MYCBP2: variants seen among roughly 807,000 people sequenced by gnomAD.
MYCBP2 encodes E3 ubiquitin-protein ligase MYCBP2.
A neutral mutation model predicts 525.3 loss-of-function variants in MYCBP2; 120 were observed. The ratio of observed to expected loss-of-function variants is 0.23; its 90% CI spans 0.20 to 0.27. The LOEUF is 0.27. Among genes scored for constraint, MYCBP2 ranks in the 10% least tolerant of loss-of-function variants. The pLI is 1.00. For missense variants in MYCBP2, 4,149 were observed against 5,657.1 expected (o/e 0.73, Z 8.55); for synonymous variants, 1,894 against 1,955.8 (o/e 0.97, Z 0.83).
intron 73 of MYCBP2, among the ~76,000 whole-genome samples, chr13:77,064,301 T>C (rs2039845344): frequency 6.6e-6 from 1 of 152,200 alleles, no homozygotes; most frequent in Admixed American, 6.5e-5. Context: ...AAACTTACTG[T>C]GGTAAACTAC....
rs1566970744 is a variant in MYCBP2 at position 77,224,303 on chromosome 13, T to C, written c.2939+148A>G. The C allele has an allele frequency of 1.3e-5, 8 of 609,366 alleles. No individual in the cohort carries two copies. The Admixed American group carries it at 2.7e-4, about 20-fold the overall frequency. The allele number at this position is 609,366 out of a possible 1,614,324, so 37.7% of individuals were successfully genotyped here. ...CCATAAGATCAGAAACCACCAATAA[T>C]TCATGGGCCACACTTTGCAAAGCAG... On this transcript the variant is annotated intron_variant, in intron 20 of 82. Coordinates refer to ENST00000544440, the MANE Select transcript of MYCBP2 (RefSeq NM_015057.5).
intron 55 of MYCBP2, among the ~76,000 whole-genome samples, chr13:77,113,788 G>A (rs1832350972): frequency 6.6e-6 from 1 of 152,122 alleles, no homozygotes; most frequent in Non-Finnish European, 1.5e-5. Flanking sequence ...ATAAATTCAA[G>A]CCCATGCCTA....
chr13:77,089,646 TG>T (rs373348275), intron 60 of MYCBP2, among the ~76,000 whole-genome samples: 2,607 of 142,682 alleles, frequency 0.018, 51 homozygotes, highest in African/African-American at 0.047. Context: ...ATCATGTAAC[TG>T]TTTTTTTTTT....
chr13:77,052,857 G>A (rs2037115822), intron 80 of MYCBP2, among the ~76,000 whole-genome samples: 1 of 152,168 alleles, frequency 6.6e-6, no homozygotes, highest in Non-Finnish European at 1.5e-5. Context: ...GGCTGGGCAT[G>A]GTGGCTCACA....
chr13:77,289,162 G>T (rs2077207178), intron 2 of MYCBP2, among the ~76,000 whole-genome samples: 1 of 151,600 alleles, frequency 6.6e-6, no homozygotes, highest in Admixed American at 6.6e-5. Flanking sequence ...AAAAACACTT[G>T]GTCCCAAATA....
chr13:77,078,736 G>T, intron 66 of MYCBP2, 88 bp downstream of exon 66: 2 of 1,027,238 alleles, frequency 1.9e-6, no homozygotes, highest in South Asian at 1.3e-5. Context: ...CTTTGGTTGT[G>T]TGCCAAGGGT....
intron 80 of MYCBP2, among the ~76,000 whole-genome samples, chr13:77,055,335 A>AAT (rs1407419265): frequency 1.3e-5 from 2 of 152,154 alleles, no homozygotes; most frequent in African/African-American, 2.4e-5. Context: ...TGTATACAGA[A>AAT]ATACTGCATG....
At chr13:77,195,688 T>G (rs888634609) in intron 26 of MYCBP2, among the ~76,000 whole-genome samples, 1 of 152,222 alleles carries the variant, frequency 6.6e-6, no homozygotes, top group Non-Finnish European at 1.5e-5. Flanking sequence ...TTCAACCATA[T>G]TCCCTATTGC....
At chr13:77,055,011 G>A (rs146714359) in intron 80 of MYCBP2, among the ~76,000 whole-genome samples, 185 of 152,178 alleles carry the variant, frequency 1.2e-3, no homozygotes, top group African/African-American at 4.2e-3. Context: ...ATTTTGGGGG[G>A]TCATAAACAT....
At chr13:77,150,198 T>TGA (rs2056255372) in intron 47 of MYCBP2, among the ~76,000 whole-genome samples, 1 of 152,180 alleles carries the variant, frequency 6.6e-6, no homozygotes, top group Non-Finnish European at 1.5e-5. Context: ...ATCTGGCATT[T>TGA]GAGAGAACCC....
chr13:77,137,908 A>G (rs933915239), intron 52 of MYCBP2, among the ~76,000 whole-genome samples: 1 of 152,050 alleles, frequency 6.6e-6, no homozygotes, highest in Non-Finnish European at 1.5e-5. Flanking sequence ...AAAAACAAAA[A>G]CCAACTCCCC....
chr13:77,097,281 T>G, intron 56 of MYCBP2, 89 bp downstream of exon 56: 2 of 1,501,550 alleles, frequency 1.3e-6, no homozygotes, highest in Non-Finnish European at 1.8e-6. Flanking sequence ...TCCCTATCCT[T>G]TGACAAAATT....
chr13:77,271,687 G>C (rs1349368402), intron 5 of MYCBP2, among the ~76,000 whole-genome samples: 1 of 152,166 alleles, frequency 6.6e-6, no homozygotes, highest in Non-Finnish European at 1.5e-5. Context: ...TGCCATCCAC[G>C]TAAGACATGA....
chr13:77,273,797 G>T, intron 4 of MYCBP2, 129 bp from the exon 5 acceptor site: 1 of 662,338 alleles, frequency 1.5e-6, no homozygotes, highest in Non-Finnish European at 2.2e-6. Flanking sequence ...CTTTGCTTTA[G>T]TTTCTTTCTA....
rs147901208 is a variant in MYCBP2, at chr13:77,128,043, T to G, written c.7660-1501A>C. On this transcript the variant is annotated intron_variant, in intron 52 of 82. Coordinates refer to ENST00000544440, the MANE Select transcript of MYCBP2 (RefSeq NM_015057.5). Reference sequence around the variant, plus strand: ...GAGAATTTTAAACACTCAAAAAACTTAGATTTACAACCGAAAATAAATGTA... The same window carrying G: ...GAGAATTTTAAACACTCAAAAAACTGAGATTTACAACCGAAAATAAATGTA... Among the ~76,000 whole-genome samples, 497 of 151,966 alleles carry G rather than the reference T, an allele frequency of 3.3e-3. 3 individuals carry two copies. The highest frequency in any genetic ancestry group is 0.011 in the African/African-American group (476 of 41,544).
At position 77,194,215 on chromosome 13, in the gene MYCBP2, A is replaced by T. The variant is rs2061543704; in HGVS notation, c.3873T>A (p.Asp1291Glu). 6.2e-7 allele frequency: 1 copy of T among 1,613,378 alleles called. No individual in the cohort carries two copies. The highest frequency in any genetic ancestry group is 1.3e-5 in the African/African-American group (1 of 74,900). Residue 1291 changes from aspartate to glutamate, a missense_variant, in exon 27 of 83, where the codon GAT becomes GAA. By Grantham distance (45) the Asp-to-Glu change is conservative. Transcript: ENST00000544440. The stretch of plus-strand genomic sequence containing the variant: ...CAAGAAGGTCACCATCAGTTTCATG[A>T]TCTCCTCCATCAGGACCCAATTCAA... Reference protein sequence around the residue: ...KLFELGPDGGDHETDGDLLAE... With the variant: ...KLFELGPDGGEHETDGDLLAE...
chr13:77,177,433 C>A (rs2059818269), intron 35 of MYCBP2, among the ~76,000 whole-genome samples: 1 of 151,178 alleles, frequency 6.6e-6, no homozygotes, highest in Admixed American at 6.6e-5. Flanking sequence ...CCTCAACCTC[C>A]CGGGCTCAAG....
At chr13:77,091,350 C>G (rs1225836187) in intron 59 of MYCBP2, among the ~76,000 whole-genome samples, 5 of 150,900 alleles carry the variant, frequency 3.3e-5, no homozygotes, top group African/African-American at 1.2e-4. Flanking sequence ...CTATAAAGCA[C>G]AGACATTTGT....
At chr13:77,140,572 T>C (rs754111424) in intron 50 of MYCBP2, among the ~76,000 whole-genome samples, 5 of 152,196 alleles carry the variant, frequency 3.3e-5, no homozygotes, top group Non-Finnish European at 5.9e-5. Flanking sequence ...GTAGAGGACA[T>C]TTTCACCTTG....
Sources: allele counts gnomAD v4.1 joint callset (sites outside exome capture counted in the v4.1 genomes callset), GRCh38; gene constraint gnomAD v4.1.1; transcripts MANE v1.5; gene names NCBI Gene and HGNC (gene_info 2026-07-23, HGNC 2026-07-21).